Variants in PEBP4 observed in about 807,000 individuals in gnomAD.
PEBP4 encodes the protein phosphatidylethanolamine binding protein 4, also known as phosphatidylethanolamine-binding protein 4.
PEBP4 carries 22 observed loss-of-function variants against 23.9 expected under a neutral mutation model. That is an observed-to-expected ratio of 0.92 (90% CI 0.66 to 1.31). The LOEUF (loss-of-function observed/expected upper bound fraction) is 1.31, where lower values mean the gene tolerates loss of function less well. Ranked by LOEUF, PEBP4 falls within the 40% of genes most tolerant of loss-of-function variation. The probability of loss-of-function intolerance (pLI) is 0.00; values close to 1 mark genes in which losing one functional copy is unlikely to be tolerated. For synonymous variants in PEBP4, 112 were observed against 99.3 expected (o/e 1.13, Z -0.76); for missense variants, 324 against 281.7 (o/e 1.15, Z -1.07).
At chr8:22,899,356 G>A (rs1310993375) in intron 3 of PEBP4, among the ~76,000 whole-genome samples, 1 of 152,226 alleles carries the variant, frequency 6.6e-6, no homozygotes, top group Admixed American at 6.5e-5. Context: ...CCATGGAAAG[G>A]CAGAGAGAAT....
intron 4 of PEBP4, among the ~76,000 whole-genome samples, chr8:22,778,887 C>T (rs1805865035): frequency 2.0e-5 from 3 of 152,172 alleles, no homozygotes; most frequent in African/African-American, 7.2e-5. Flanking sequence ...CAGTCAGGGG[C>T]TGCTGCCACC....
intron 4 of PEBP4, among the ~76,000 whole-genome samples, chr8:22,816,486 C>T (rs1806742635): frequency 6.6e-6 from 1 of 152,248 alleles, no homozygotes; most frequent in South Asian, 2.1e-4. Flanking sequence ...AAACCCCTTC[C>T]TCCACCCACA....
chr8:22,927,781 C>T, intron 1 of PEBP4, 42 bp downstream of exon 1: 17 of 1,598,872 alleles, frequency 1.1e-5, no homozygotes, highest in Non-Finnish European at 1.4e-5. Flanking sequence ...TGCCCACTAC[C>T]TGTGCCCCCG....
At chr8:22,798,886 C>A (rs542726734) in intron 4 of PEBP4, among the ~76,000 whole-genome samples, 1 of 151,420 alleles carries the variant, frequency 6.6e-6, no homozygotes, top group African/African-American at 2.4e-5. Context: ...TACAGTTGCC[C>A]GACACCATGC....
chr8:22,860,226 A>G (rs534125705), intron 3 of PEBP4, among the ~76,000 whole-genome samples: 45 of 145,796 alleles, frequency 3.1e-4, no homozygotes, highest in African/African-American at 1.1e-3. Context: ...GTATATATAT[A>G]TATGGTGCCA....
At chr8:22,762,604 G>A (rs1231338910) in intron 4 of PEBP4, among the ~76,000 whole-genome samples, 4 of 152,060 alleles carry the variant, frequency 2.6e-5, no homozygotes, top group Non-Finnish European at 5.9e-5. Flanking sequence ...GTTTCTTCTC[G>A]GTCAGGCCTC....
chr8:22,926,912 C>G (rs1395830532), intron 2 of PEBP4, among the ~76,000 whole-genome samples: 1 of 152,146 alleles, frequency 6.6e-6, no homozygotes, highest in East Asian at 1.9e-4. Flanking sequence ...GGAGGTTTGG[C>G]ATCAGTTTGG....
intron 4 of PEBP4, among the ~76,000 whole-genome samples, chr8:22,776,633 C>T (rs977362996): frequency 4.0e-5 from 6 of 151,704 alleles, no homozygotes; most frequent in African/African-American, 1.5e-4. Context: ...TGTTTCTCTC[C>T]CTATCTGCAA....
At chr8:22,767,367 C>A (rs1426593500) in intron 4 of PEBP4, among the ~76,000 whole-genome samples, 1 of 152,054 alleles carries the variant, frequency 6.6e-6, no homozygotes, top group Non-Finnish European at 1.5e-5. Context: ...TTTGAATAAT[C>A]CCCCCCACCA....
At chr8:22,803,462 C>T (rs137903555) in intron 4 of PEBP4, among the ~76,000 whole-genome samples, 2,706 of 151,984 alleles carry the variant, frequency 0.018, 48 homozygotes, top group South Asian at 0.061. Context: ...ATCAGGAGTT[C>T]GAGATCAGCT....
chr8:22,914,188 A>G (rs1809017255), intron 3 of PEBP4, among the ~76,000 whole-genome samples: 1 of 151,898 alleles, frequency 6.6e-6, no homozygotes, highest in African/African-American at 2.4e-5. Flanking sequence ...GGGTTTCACC[A>G]TGTTTGCCAG....
At chr8:22,899,580 C>T (rs775552854) in intron 3 of PEBP4, among the ~76,000 whole-genome samples, 40 of 152,148 alleles carry the variant, frequency 2.6e-4, no homozygotes, top group Non-Finnish European at 5.4e-4. Flanking sequence ...CGACTCACCC[C>T]GTTACCATGG....
chr8:22,925,010 G>GA (rs1423115697), intron 2 of PEBP4: 1 of 985,246 alleles, frequency 1.0e-6, no homozygotes, highest in Non-Finnish European at 1.2e-6. Context: ...TTCTCTGGGG[G>GA]ATCTCTTGCC....
At chr8:22,854,797 A>G (rs1412474863) in intron 3 of PEBP4, among the ~76,000 whole-genome samples, 1 of 152,174 alleles carries the variant, frequency 6.6e-6, no homozygotes. Context: ...TACTCTGCAC[A>G]TGCTCAATGC....
chr8:22,907,956 T>C (rs936810781), intron 3 of PEBP4, among the ~76,000 whole-genome samples: 4 of 151,074 alleles, frequency 2.6e-5, no homozygotes, highest in Non-Finnish European at 5.9e-5. Flanking sequence ...AAAGTTGCGG[T>C]GAGCCAAGAT....
rs986169786 is a variant in PEBP4 at position 22,793,643 on chromosome 8, T to C, written c.357+23994A>G. Among the ~76,000 whole-genome samples the C allele has an allele frequency of 2.0e-5, 3 of 152,186 alleles. No individual in the cohort carries two copies. The South Asian group carries it at 6.2e-4, about 32-fold the overall frequency. ...AACTGTGTCTTGTTGGACAAATTGG[T>C]CATTTCTAATATTCCATTATTATAA... On this transcript the variant is annotated intron_variant, in intron 4 of 6. Transcript: ENST00000256404.
chr8:22,864,960 C>T (rs994093606), intron 3 of PEBP4, among the ~76,000 whole-genome samples: 3 of 152,272 alleles, frequency 2.0e-5, no homozygotes, highest in South Asian at 2.1e-4. Context: ...GGCCCCTTCA[C>T]GGCCACTAGG....
intron 4 of PEBP4, among the ~76,000 whole-genome samples, chr8:22,784,552 G>A (rs771406953): frequency 1.7e-4 from 26 of 152,208 alleles, no homozygotes; most frequent in Non-Finnish European, 2.8e-4. Flanking sequence ...CTCCCGTCCC[G>A]GGAGATGTGC....
At chr8:22,857,204 T>C (rs1053014128) in intron 3 of PEBP4, among the ~76,000 whole-genome samples, 1 of 151,844 alleles carries the variant, frequency 6.6e-6, no homozygotes, top group African/African-American at 2.4e-5. Flanking sequence ...AGTCCAAATT[T>C]TTATAGTGGA....
Sources: allele counts gnomAD v4.1 joint callset (sites outside exome capture counted in the v4.1 genomes callset), GRCh38; gene constraint gnomAD v4.1.1; transcripts MANE v1.5; gene names NCBI Gene and HGNC (gene_info 2026-07-23, HGNC 2026-07-21).